Variants in PDE1C observed in about 807,000 individuals in gnomAD.
PDE1C encodes phosphodiesterase 1C.
Under a neutral mutation model 93.1 loss-of-function variants are expected in PDE1C, and 62 were observed. The observed-to-expected ratio is 0.67, with a 90% CI of 0.54 to 0.82. The LOEUF is 0.82. Among genes scored for constraint, PDE1C ranks in the 40% least tolerant of loss-of-function variants. The pLI, the probability that PDE1C is intolerant of heterozygous loss-of-function variation, is 0.00. For missense variants in PDE1C, 742 were observed against 884.6 expected (o/e 0.84, Z 2.04); for synonymous variants, 325 against 310.1 (o/e 1.05, Z -0.50).
At chr7:31,690,396 G>A in the PDE1C span, among the ~76,000 whole-genome samples, 1 of 152,148 alleles carries the variant, frequency 6.6e-6, no homozygotes, top group Non-Finnish European at 1.5e-5. Flanking sequence ...GTAAGCTCGG[G>A]GGACAGAGAG....
chr7:31,744,035 G>A, the PDE1C span, among the ~76,000 whole-genome samples: 1 of 152,134 alleles, frequency 6.6e-6, no homozygotes, highest in Non-Finnish European at 1.5e-5. Flanking sequence ...ACAGGCGGGG[G>A]AACAGCCTTA....
chr7:32,305,022 T>G (rs933182840), intron 1 of PDE1C, among the ~76,000 whole-genome samples: 1 of 152,154 alleles, frequency 6.6e-6, no homozygotes, highest in Admixed American at 6.5e-5. Flanking sequence ...GGCCCAAAAG[T>G]ATCACCCTGT....
intron 7 of PDE1C, among the ~76,000 whole-genome samples, chr7:31,860,175 A>G (rs189891764): frequency 2.0e-5 from 3 of 152,206 alleles, no homozygotes; most frequent in Non-Finnish European, 4.4e-5. Context: ...CTTCTCAATC[A>G]GTGGTTCTCA....
chr7:32,261,270 T>C (rs1810176610), intron 1 of PDE1C, among the ~76,000 whole-genome samples: 1 of 152,094 alleles, frequency 6.6e-6, no homozygotes, highest in Admixed American at 6.5e-5. Flanking sequence ...ATGGATCAGC[T>C]GACACCACCC....
intron 1 of PDE1C, among the ~76,000 whole-genome samples, chr7:32,294,240 A>T (rs997162949): frequency 6.6e-6 from 1 of 152,218 alleles, no homozygotes; most frequent in Non-Finnish European, 1.5e-5. Context: ...CCTCTGGTAC[A>T]ACCCAAGGAG....
chr7:31,901,648 C>G (rs374078898), intron 2 of PDE1C, among the ~76,000 whole-genome samples: 1 of 150,800 alleles, frequency 6.6e-6, no homozygotes, highest in East Asian at 2.0e-4. Flanking sequence ...TTAAACATAG[C>G]CAAGTAATTT....
At chr7:32,290,666 A>C (rs1562654491) in intron 1 of PDE1C, among the ~76,000 whole-genome samples, 1 of 152,044 alleles carries the variant, frequency 6.6e-6, no homozygotes, top group Non-Finnish European at 1.5e-5. Flanking sequence ...GGCCTAGGAG[A>C]GCTAACATTC....
chr7:32,160,637 T>C (rs1213175157), intron 3 of PDE1C, among the ~76,000 whole-genome samples: 3 of 151,932 alleles, frequency 2.0e-5, no homozygotes, highest in African/African-American at 7.3e-5. Context: ...AGGCCAGAAG[T>C]TCAAGACCAG....
chr7:31,852,678 C>A (rs1397093482), intron 7 of PDE1C, among the ~76,000 whole-genome samples: 1 of 152,164 alleles, frequency 6.6e-6, no homozygotes, highest in Admixed American at 6.5e-5. Flanking sequence ...CAAGGTCACA[C>A]AGCCAGTCAT....
At chr7:32,120,896 G>C (rs1043126907) in intron 3 of PDE1C, among the ~76,000 whole-genome samples, 3 of 152,110 alleles carry the variant, frequency 2.0e-5, no homozygotes, top group African/African-American at 4.8e-5. Flanking sequence ...AATTGACAGA[G>C]GTAGGCTTCA....
the PDE1C span, among the ~76,000 whole-genome samples, chr7:31,628,937 A>AAAAAAC: frequency 1.3e-5 from 2 of 152,212 alleles, no homozygotes; most frequent in African/African-American, 2.4e-5. Flanking sequence ...TCACAAGAGG[A>AAAAAAC]AAAAACAAAA....
the PDE1C span, among the ~76,000 whole-genome samples, chr7:31,683,552 G>T: frequency 6.6e-6 from 1 of 151,866 alleles, no homozygotes; most frequent in South Asian, 2.1e-4. Flanking sequence ...ACTTACCAGG[G>T]GATATTGATC....
intron 12 of PDE1C, among the ~76,000 whole-genome samples, chr7:31,825,578 A>T (rs1208287538): frequency 6.6e-6 from 1 of 152,170 alleles, no homozygotes; most frequent in Non-Finnish European, 1.5e-5. Flanking sequence ...CCGCATTGTC[A>T]TAAGAGTTTT....
At chr7:32,131,994 A>G (rs1303585612) in intron 3 of PDE1C, among the ~76,000 whole-genome samples, 1 of 152,180 alleles carries the variant, frequency 6.6e-6, no homozygotes, top group East Asian at 1.9e-4. Context: ...ATGATTTAAC[A>G]GACAATGATT....
intron 1 of PDE1C, among the ~76,000 whole-genome samples, chr7:32,363,818 A>AT (rs758358267): frequency 3.3e-5 from 5 of 152,170 alleles, no homozygotes; most frequent in Admixed American, 3.3e-4. Context: ...TTAAAAATCT[A>AT]TTTTTCTTGA....
At chr7:31,979,679 A>T (rs567360758) in intron 2 of PDE1C, among the ~76,000 whole-genome samples, 17 of 152,238 alleles carry the variant, frequency 1.1e-4, no homozygotes, top group Non-Finnish European at 2.2e-4. Flanking sequence ...TAGCTTCATG[A>T]AAGTAAAAAC....
chr7:31,854,787 C>A (rs1398295413), intron 7 of PDE1C, among the ~76,000 whole-genome samples: 1 of 152,126 alleles, frequency 6.6e-6, no homozygotes, highest in Non-Finnish European at 1.5e-5. Flanking sequence ...CACTTCCGGG[C>A]CTGGCGAGGT....
intron 3 of PDE1C, among the ~76,000 whole-genome samples, chr7:32,099,725 A>G (rs1486311977): frequency 6.6e-6 from 1 of 152,168 alleles, no homozygotes; most frequent in Non-Finnish European, 1.5e-5. Context: ...GACTATAATC[A>G]TATGCCTTTA....
At chr7:32,408,046 A>G (rs1361274065) in intron 1 of PDE1C, among the ~76,000 whole-genome samples, 1 of 152,254 alleles carries the variant, frequency 6.6e-6, no homozygotes, top group African/African-American at 2.4e-5. Context: ...GTAAGAATAA[A>G]TCTCAGAACT....
Sources: allele counts gnomAD v4.1 joint callset (sites outside exome capture counted in the v4.1 genomes callset), GRCh38; gene constraint gnomAD v4.1.1; transcripts MANE v1.5; gene names NCBI Gene and HGNC (gene_info 2026-07-23, HGNC 2026-07-21).